The following CACNA1C variants were observed in gnomAD, a reference collection of about 807,000 sequenced individuals.
The protein encoded by CACNA1C is voltage-dependent L-type calcium channel subunit alpha-1C.
A neutral mutation model predicts 229.0 loss-of-function variants in CACNA1C; 30 were observed. That is an observed-to-expected ratio of 0.13 (90% CI 0.10 to 0.18). The LOEUF (loss-of-function observed/expected upper bound fraction) is 0.18. Among genes scored for constraint, CACNA1C ranks in the 10% least tolerant of loss-of-function variants. The probability of loss-of-function intolerance (pLI) is 1.00; values close to 1 mark genes in which losing one functional copy is unlikely to be tolerated. For synonymous variants in CACNA1C, 1,114 were observed against 1,132.5 expected (o/e 0.98, Z 0.33); for missense variants, 1,658 against 2,845.0 (o/e 0.58, Z 9.49).
rs757426840 is a variant in CACNA1C, at chr12:2,686,173, G to A, written c.5688G>A (p.Arg1896=). ...CTCTGGCTGGCTTTGCAGGTCGAAG[G>A]GCCTCCTTCCACCTGGAATGTCTGA... The part of the protein sequence containing the change: ...GFLRSASLGR[R]ASFHLECLKR... Residue 1896 remains arginine, a synonymous_variant, in exon 45 of 47, where the codon AGG becomes AGA. Coordinates refer to ENST00000399655, the MANE Select transcript of CACNA1C (RefSeq NM_000719.7). 3.7e-6 allele frequency: 6 copies of A among 1,613,710 alleles called. No homozygotes were observed. The highest frequency in any genetic ancestry group is 2.2e-5 in the East Asian group (1 of 44,886).
At chr12:2,462,392 A>G (rs1448901779) in intron 5 of CACNA1C, among the ~76,000 whole-genome samples, 1 of 128,798 alleles carries the variant, frequency 7.8e-6, no homozygotes, top group Non-Finnish European at 1.7e-5. Context: ...CGCTGATGCC[A>G]TCCCCTCACT....
intron 3 of CACNA1C, among the ~76,000 whole-genome samples, chr12:2,210,926 A>C (rs550149339): frequency 6.6e-6 from 1 of 152,326 alleles, no homozygotes; most frequent in South Asian, 2.1e-4. Context: ...CAGAGAAGGA[A>C]GAAAGTATAC....
At chr12:2,119,658 C>T (rs2085624628) in intron 2 of CACNA1C, among the ~76,000 whole-genome samples, 1 of 152,192 alleles carries the variant, frequency 6.6e-6, no homozygotes, top group South Asian at 2.1e-4. Context: ...AGCGGGACCT[C>T]TGCAGACCAG....
At position 2,549,966 on chromosome 12, in the gene CACNA1C, G is replaced by A. The variant is rs770480382; in HGVS notation, c.1414G>A (p.Glu472Lys). 3.7e-6 allele frequency: 6 copies of A among 1,605,860 alleles called. No individual in the cohort carries two copies. Among genetic ancestry groups the A allele is most frequent in the Admixed American group, 3.4e-5 (2 of 58,992 alleles). ...RNMSMPTSET[E>K]SVNTENVAGG... is the part of the protein sequence containing the mutation. ...AGTGAGCATGCCCACCAGTGAGACC[G>A]AGTCCGTCAACACCGAAAACGTGGC... The change falls in exon 10 of 47, where the codon GAG becomes AAG. Residue 472 changes from glutamate (E) to lysine (K), a missense_variant. Coordinates refer to ENST00000399655, the MANE Select transcript of CACNA1C (RefSeq NM_000719.7).
At chr12:2,305,083 C>T (rs1177600212) in intron 3 of CACNA1C, among the ~76,000 whole-genome samples, 1 of 152,142 alleles carries the variant, frequency 6.6e-6, no homozygotes, top group Admixed American at 6.5e-5. Flanking sequence ...GACTCCTTGG[C>T]AGGGGCTCTG....
rs1001541459 is a variant in CACNA1C, at chr12:2,135,413, C to T, written c.477+14983C>T. Among the ~76,000 whole-genome samples, 129 of 143,152 alleles carry T rather than the reference C, an allele frequency of 9.0e-4. 3 individuals carry two copies. Among genetic ancestry groups the T allele is most frequent in the Middle Eastern group, 3.4e-3 (1 of 290 alleles). The allele number at this position is 143,152 out of a possible 152,430, so 93.9% of individuals were successfully genotyped here. A position where few individuals can be genotyped will look rare whatever the true frequency, so the allele number is the denominator to read the frequency against. ...TTTTAGAGCTTCCAGTTTTTCTGTTCTGTTTTTTCCCCATCTTTGTGGTTT... is the reference window on the plus strand; with the variant it reads ...TTTTAGAGCTTCCAGTTTTTCTGTTTTGTTTTTTCCCCATCTTTGTGGTTT... On this transcript the variant is annotated intron_variant, in intron 3 of 46. Coordinates refer to ENST00000399655, the MANE Select transcript of CACNA1C (RefSeq NM_000719.7).
At position 2,690,882 on chromosome 12, in the gene CACNA1C, C is replaced by T. The variant is rs2097776958; in HGVS notation, c.6118-18C>T. Reference sequence around the variant, plus strand: ...AATGTTCCTTTGGTTCTTCATGGCTCCCACCCCGCTCCTTCAGGTCTTGAT... The same window carrying T: ...AATGTTCCTTTGGTTCTTCATGGCTTCCACCCCGCTCCTTCAGGTCTTGAT... On this transcript the variant is annotated intron_variant, in intron 46 of 46. Transcript: ENST00000399655. 1 of 1,538,860 alleles carries T rather than the reference C, an allele frequency of 6.5e-7. No individual in the cohort carries two copies. Among genetic ancestry groups the T allele is most frequent in the African/African-American group, 1.4e-5 (1 of 73,100 alleles).
chr12:1,993,485 C>T, intron 1 of CACNA1C: 1 of 1,492,988 alleles, frequency 6.7e-7, no homozygotes, highest in African/African-American at 1.4e-5. Flanking sequence ...GTCTCTCAAC[C>T]TTTGTTTGTA....
intron 1 of CACNA1C, among the ~76,000 whole-genome samples, chr12:2,076,382 G>A (rs754717132): frequency 2.0e-5 from 3 of 152,074 alleles, no homozygotes; most frequent in East Asian, 1.9e-4. Flanking sequence ...AAGAGGATAC[G>A]ATAAATAAAG....
Position 2,682,652 on chromosome 12 carries a change from T to A in CACNA1C, c.5547T>A (p.Ser1849Arg). The change falls in exon 43 of 47, where the codon AGT (serine) becomes AGA (arginine). Residue 1849 changes from serine (S) to arginine (R), a missense_variant. Physicochemically the swap from Ser to Arg is moderately radical, Grantham distance 110. Coordinates refer to ENST00000399655, the MANE Select transcript of CACNA1C (RefSeq NM_000719.7). The stretch of plus-strand genomic sequence containing the variant: ...TGAACCATGACACGGAGGCCTGCAG[T>A]GAGCCCAGCCTGCTCTCCACAGAGA... ...VKMNHDTEAC[S>R]EPSLLSTEML... is the part of the protein sequence containing the mutation. The A allele has an allele frequency of 6.2e-7, 1 of 1,611,892 alleles. No individual in the cohort carries two copies. The highest frequency in any genetic ancestry group is 8.5e-7 in the Non-Finnish European group (1 of 1,179,576).
In CACNA1C at chr12:2,095,469, G is replaced by C. The variant is rs1301602656; in HGVS notation, c.50-19755G>C. 3.9e-5 allele frequency among the ~76,000 whole-genome samples: 6 copies of C among 152,316 alleles called. No individual in the cohort carries two copies. The East Asian group carries it at 1.2e-3, about 29-fold the overall frequency. On this transcript the variant is annotated intron_variant, in intron 1 of 46. Coordinates refer to ENST00000399655, the MANE Select transcript of CACNA1C (RefSeq NM_000719.7). ...CCATTGACTTCTGCCTTCTGCTTTC[G>C]GGTTCTTAAAGATGGACTTCTCCTG...
At chr12:2,478,100 A>G (rs1422937342) in intron 5 of CACNA1C, among the ~76,000 whole-genome samples, 1 of 152,132 alleles carries the variant, frequency 6.6e-6, no homozygotes, top group African/African-American at 2.4e-5. Context: ...CAGAAGACTA[A>G]CAGAATAAAA....
At chr12:2,272,644 T>C (rs1170944388) in intron 3 of CACNA1C, among the ~76,000 whole-genome samples, 2 of 152,174 alleles carry the variant, frequency 1.3e-5, no homozygotes, top group Non-Finnish European at 2.9e-5. Context: ...GAGCAGTCAC[T>C]CCAAGGCAGT....
At chr12:2,281,281 C>A (rs1197812760) in intron 3 of CACNA1C, among the ~76,000 whole-genome samples, 1 of 152,166 alleles carries the variant, frequency 6.6e-6, no homozygotes, top group African/African-American at 2.4e-5. Flanking sequence ...CTAAACCTCA[C>A]AATACATTGT....
chr12:2,280,717 T>G (rs2090915746), intron 3 of CACNA1C, among the ~76,000 whole-genome samples: 1 of 133,158 alleles, frequency 7.5e-6, no homozygotes, highest in African/African-American at 2.9e-5. Context: ...CTTGCTGTGC[T>G]TCGGTTTAAC....
chr12:2,217,586 T>C (rs2060300884), intron 3 of CACNA1C: 1 of 152,236 alleles, frequency 6.6e-6, no homozygotes, highest in Non-Finnish European at 1.5e-5. Flanking sequence ...TGCAAATACA[T>C]ACACACATTG....
intron 3 of CACNA1C, among the ~76,000 whole-genome samples, chr12:2,204,974 A>C (rs866353912): frequency 1.3e-5 from 2 of 152,010 alleles, no homozygotes; most frequent in African/African-American, 4.8e-5. Flanking sequence ...ACAAAAACAA[A>C]AAAAAAACCT....
chr12:2,454,913 A>G (rs181920153), intron 4 of CACNA1C, among the ~76,000 whole-genome samples: 4 of 152,302 alleles, frequency 2.6e-5, no homozygotes, highest in African/African-American at 9.6e-5. Context: ...TATGCTGACA[A>G]TGCGCCTTCT....
rs376273945 is a variant in CACNA1C at position 2,576,843 on chromosome 12, T to C, written c.1896-4747T>C. Among the ~76,000 whole-genome samples the C allele has an allele frequency of 2.0e-5, 3 of 152,170 alleles. No individual in the cohort carries two copies. The East Asian group carries it at 5.8e-4, about 29-fold the overall frequency. ...TGATAGTGAGCCCCCACCCTCAACC[T>C]GCTACCAGCCAAGGCCTGCCAGTCT... On this transcript the variant is annotated intron_variant, in intron 13 of 46. Transcript: ENST00000399655.
Sources: allele counts gnomAD v4.1 joint callset (sites outside exome capture counted in the v4.1 genomes callset), GRCh38; gene constraint gnomAD v4.1.1; transcripts MANE v1.5; gene names NCBI Gene and HGNC (gene_info 2026-07-23, HGNC 2026-07-21).